Variants in JAK1 observed in about 807,000 individuals in gnomAD.
JAK1 encodes Janus kinase 1.
Under a neutral mutation model 136.6 loss-of-function variants are expected in JAK1, and 16 were observed. The ratio of observed to expected loss-of-function variants is 0.12; its 90% CI spans 0.08 to 0.18. JAK1 has a LOEUF of 0.18. JAK1 is among the 10% of genes least tolerant of loss of function. The pLI, the probability that JAK1 is intolerant of heterozygous loss-of-function variation, is 1.00. For missense variants in JAK1, 859 were observed against 1,450.1 expected, an observed-to-expected ratio of 0.59 and a Z score of 6.62; for synonymous variants, 492 against 519.5, an observed-to-expected ratio of 0.95 and a Z score of 0.72.
chr1:65,039,101 C>G (rs1410455554), intron 2 of JAK1, among the ~76,000 whole-genome samples: 1 of 152,186 alleles, frequency 6.6e-6, no homozygotes, highest in Non-Finnish European at 1.5e-5. Context: ...CCAGCCAGTA[C>G]ACACACACAT....
chr1:65,052,674 T>C (rs2100863365), intron 1 of JAK1, among the ~76,000 whole-genome samples: 1 of 150,290 alleles, frequency 6.7e-6, no homozygotes, highest in Non-Finnish European at 1.5e-5. Context: ...CTTAGCCGGG[T>C]GTGGTGGTGG....
intron 3 of JAK1, among the ~76,000 whole-genome samples, chr1:64,881,639 A>G (rs890065550): frequency 1.3e-5 from 2 of 152,228 alleles, no homozygotes; most frequent in African/African-American, 2.4e-5. Flanking sequence ...GTTACAGAAG[A>G]GACACCACTC....
intron 2 of JAK1, among the ~76,000 whole-genome samples, chr1:65,012,230 G>C (rs1005713408): frequency 9.2e-5 from 14 of 152,262 alleles, no homozygotes; most frequent in African/African-American, 3.1e-4. Flanking sequence ...ATGGTGGCCT[G>C]AGTCATCTGA....
chr1:64,887,145 C>T lies in JAK1; in HGVS notation c.-77-804G>A, dbSNP rs1177014914. ...CAACCTAAAATCAATAGTGTGAGTG[C>T]GTCAGGATGTTGTTAGCTCTGGTGA... is the stretch of plus-strand genomic sequence containing the variant. On this transcript the variant is annotated intron_variant, in intron 1 of 24. Transcript: ENST00000342505. 3.3e-5 allele frequency among the ~76,000 whole-genome samples: 5 copies of T among 152,140 alleles called. No individual in the cohort carries two copies. In the South Asian group the frequency reaches 6.2e-4, roughly 19 times the overall value.
chr1:64,967,367 C>A (rs1220794953), upstream of JAK1, among the ~76,000 whole-genome samples: 1 of 152,158 alleles, frequency 6.6e-6, no homozygotes, highest in African/African-American at 2.4e-5. Context: ...GAAGGGACCA[C>A]GAACATCTCT....
intron 3 of JAK1, among the ~76,000 whole-genome samples, chr1:64,880,438 T>C (rs1644753366): frequency 6.6e-6 from 1 of 152,232 alleles, no homozygotes; most frequent in Non-Finnish European, 1.5e-5. Context: ...ACCCAGCCTT[T>C]CTTTATGCAT....
chr1:64,992,664 C>T (rs1167727335), intron 2 of JAK1: 3 of 151,996 alleles, frequency 2.0e-5, no homozygotes, highest in East Asian at 1.9e-4. Context: ...CCGAGGCGGG[C>T]GAATCATGAG....
chr1:64,973,448 T>C, intron 2 of JAK1, among the ~76,000 whole-genome samples: 1 of 152,052 alleles, frequency 6.6e-6, no homozygotes, highest in East Asian at 1.9e-4. Flanking sequence ...TAATCTATTA[T>C]ATTTTATACA....
At chr1:64,841,094 G>A (rs1370144903) in intron 19 of JAK1, 151 bp downstream of exon 19, 1 of 629,758 alleles carries the variant, frequency 1.6e-6, no homozygotes, top group African/African-American at 1.8e-5. Context: ...CCCTTGTGAT[G>A]AAAGTGGCCC....
intron 1 of JAK1, among the ~76,000 whole-genome samples, chr1:64,886,569 A>G (rs1338923582): frequency 6.6e-6 from 1 of 152,184 alleles, no homozygotes; most frequent in East Asian, 1.9e-4. Context: ...TCACCGCATC[A>G]AGAAAGGAAG....
At chr1:65,064,743 C>T (rs1010864121) in intron 1 of JAK1, among the ~76,000 whole-genome samples, 20 of 152,190 alleles carry the variant, frequency 1.3e-4, no homozygotes, top group Non-Finnish European at 2.2e-4. Context: ...CAGCAGCTGT[C>T]ACTGCATCCT....
chr1:65,051,018 A>G (rs1420540615), intron 1 of JAK1, among the ~76,000 whole-genome samples: 4 of 152,196 alleles, frequency 2.6e-5, no homozygotes, highest in Admixed American at 6.5e-5. Context: ...AAATACAATT[A>G]AGGAAATAAA....
chr1:65,056,345 G>A (rs1180409143), intron 1 of JAK1, among the ~76,000 whole-genome samples: 1 of 152,232 alleles, frequency 6.6e-6, no homozygotes, highest in Non-Finnish European at 1.5e-5. Flanking sequence ...CCAACCAAGT[G>A]TGGCTCAAGG....
rs539595307 is a variant in JAK1, at chr1:64,833,352, T to C, written c.*1210A>G. The C allele has an allele frequency of 8.6e-6, 2 of 232,918 alleles. No individual in the cohort carries two copies. The highest frequency in any genetic ancestry group is 6.1e-5 in the East Asian group (1 of 16,490). 14.4% of individuals were successfully genotyped at this position (232,918 alleles called of 1,614,324 possible). On this transcript the variant is annotated 3_prime_UTR_variant, in exon 25 of 25. Transcript: ENST00000342505. ...CAAATTTAAATGGCAACTTCATTGC[T>C]GCCACTGAACCAATCCTGAATTTGG...
chr1:64,935,806 G>A (rs1184387552), intron 1 of JAK1, among the ~76,000 whole-genome samples: 2 of 152,174 alleles, frequency 1.3e-5, no homozygotes, highest in South Asian at 2.1e-4. Flanking sequence ...AAAGTCCCTG[G>A]AGAGCCACCA....
chr1:65,018,804 A>AC (rs1646912749), intron 2 of JAK1, among the ~76,000 whole-genome samples: 1 of 152,100 alleles, frequency 6.6e-6, no homozygotes, highest in Admixed American at 6.6e-5. Flanking sequence ...AGGTCAGGAG[A>AC]CCGAGACCAT....
chr1:64,872,451 AC>A (rs1170510509), intron 5 of JAK1, among the ~76,000 whole-genome samples: 1 of 151,592 alleles, frequency 6.6e-6, no homozygotes, highest in Non-Finnish European at 1.5e-5. Context: ...TCCCATTCAA[AC>A]CCCCCTGTCC....
At chr1:65,062,931 T>C (rs1463507043) in intron 1 of JAK1, among the ~76,000 whole-genome samples, 2 of 152,218 alleles carry the variant, frequency 1.3e-5, no homozygotes, top group East Asian at 1.9e-4. Flanking sequence ...TATATGGTCT[T>C]AGGTGAGGTG....
intron 2 of JAK1, among the ~76,000 whole-genome samples, chr1:64,982,451 A>G (rs528159114): frequency 7.9e-5 from 12 of 152,320 alleles, no homozygotes; most frequent in South Asian, 2.1e-4. Flanking sequence ...CTCCACAGTA[A>G]CTACCATTGC....
Sources: gnomAD v4.1 joint callset for allele counts (sites outside exome capture counted in the v4.1 genomes callset) on GRCh38, gnomAD v4.1.1 for gene constraint, MANE v1.5 for transcripts, NCBI Gene and HGNC (gene_info 2026-07-23, HGNC 2026-07-21) for gene names.